Variants in PIK3CD observed in about 807,000 individuals in gnomAD.
PIK3CD encodes the protein phosphatidylinositol 4,5-bisphosphate 3-kinase catalytic subunit delta isoform.
PIK3CD carries 20 observed loss-of-function variants against 122.9 expected under a neutral mutation model. The ratio of observed to expected loss-of-function variants is 0.16; its 90% CI spans 0.11 to 0.24. The LOEUF (loss-of-function observed/expected upper bound fraction) is 0.24, where lower values mean the gene tolerates loss of function less well. Ranked by LOEUF, PIK3CD falls within the 10% of genes least tolerant of loss-of-function variation. PIK3CD has a pLI of 1.00. For missense variants in PIK3CD, 787 were observed against 1,406.3 expected, an observed-to-expected ratio of 0.56 and a Z score of 7.04; for synonymous variants, 596 against 593.4, an observed-to-expected ratio of 1.00 and a Z score of -0.06.
At chr1:9,644,972 G>A in the PIK3CD span, among the ~76,000 whole-genome samples, 6 of 151,858 alleles carry the variant, frequency 4.0e-5, no homozygotes, top group South Asian at 4.1e-4. Flanking sequence ...AGGCCCTTCC[G>A]CAGAGCTTGC....
chr1:9,637,728 A>AT, the PIK3CD span, among the ~76,000 whole-genome samples: 1 of 152,112 alleles, frequency 6.6e-6, no homozygotes, highest in East Asian at 1.9e-4. Context: ...CCCAAAATAT[A>AT]TTTCTTTGCA....
chr1:9,683,312 C>T (rs1645838777), intron 1 of PIK3CD, among the ~76,000 whole-genome samples: 1 of 151,614 alleles, frequency 6.6e-6, no homozygotes, highest in Non-Finnish European at 1.5e-5. Context: ...GTGGCGGGAA[C>T]CTGTAGTCCC....
the PIK3CD span, among the ~76,000 whole-genome samples, chr1:9,646,548 G>A: frequency 1.4e-4 from 22 of 152,314 alleles, no homozygotes; most frequent in African/African-American, 5.1e-4. Flanking sequence ...GTAAACATAT[G>A]GGAGAAAAGG....
chr1:9,662,138 C>G (rs1451194726), intron 1 of PIK3CD, among the ~76,000 whole-genome samples: 1 of 152,164 alleles, frequency 6.6e-6, no homozygotes, highest in Non-Finnish European at 1.5e-5. Context: ...GCACTCCAAC[C>G]TGGGCGACAG....
chr1:9,646,322 G>A, the PIK3CD span, among the ~76,000 whole-genome samples: 4 of 152,106 alleles, frequency 2.6e-5, no homozygotes, highest in African/African-American at 7.2e-5. Context: ...GGGACAGCCC[G>A]CCGTAACAAA....
chr1:9,728,051 C>T lies in PIK3CD; in HGVS notation c.*1005C>T, dbSNP rs1159671992. The T allele has an allele frequency of 5.8e-5, 9 of 154,212 alleles. No homozygotes were observed. Among genetic ancestry groups the T allele is most frequent in the Middle Eastern group, 3.3e-3 (1 of 306 alleles). The allele number at this position is 154,212 out of a possible 1,614,324, so 9.6% of individuals were successfully genotyped here. Reference sequence around the variant, plus strand: ...AACTCCTGACCTCAGGTGATCCACCCGCCTGAGCCTCCCAAAGTGCTGGGA... The same window carrying T: ...AACTCCTGACCTCAGGTGATCCACCTGCCTGAGCCTCCCAAAGTGCTGGGA... On this transcript the variant is annotated 3_prime_UTR_variant, in exon 24 of 24. Transcript: ENST00000377346.
chr1:9,666,600 A>G (rs1645167564), intron 1 of PIK3CD, among the ~76,000 whole-genome samples: 1 of 151,962 alleles, frequency 6.6e-6, no homozygotes, highest in African/African-American at 2.4e-5. Context: ...CAGTAGAAAT[A>G]AATGCTTGAG....
intron 1 of PIK3CD, among the ~76,000 whole-genome samples, chr1:9,659,040 C>G (rs1644938304): frequency 6.6e-6 from 1 of 152,202 alleles, no homozygotes; most frequent in Non-Finnish European, 1.5e-5. Flanking sequence ...TCTAGCCCAA[C>G]ACAGCGGTTG....
At chr1:9,628,660 G>A in the PIK3CD span, among the ~76,000 whole-genome samples, 9 of 152,194 alleles carry the variant, frequency 5.9e-5, no homozygotes, top group Admixed American at 2.0e-4. Flanking sequence ...TTCCTCACAC[G>A]GAGGTGGCCC....
intron 1 of PIK3CD, among the ~76,000 whole-genome samples, chr1:9,668,964 G>C (rs1161155385): frequency 1.3e-5 from 2 of 152,114 alleles, no homozygotes; most frequent in African/African-American, 2.4e-5. Flanking sequence ...GGGGGCTAAG[G>C]ACTCACTAAT....
the PIK3CD span, among the ~76,000 whole-genome samples, chr1:9,645,604 ATTT>A: frequency 1.3e-3 from 172 of 131,790 alleles, no homozygotes; most frequent in African/African-American, 4.7e-3. Flanking sequence ...GGAATGGCTA[ATTT>A]TTTTTTTTTT....
intron 5 of PIK3CD, 60 bp from the exon 6 acceptor site, chr1:9,716,380 T>G: frequency 6.5e-7 from 1 of 1,549,502 alleles, no homozygotes. Flanking sequence ...AACCCTGCCC[T>G]GTGCCCCAGA....
At chr1:9,702,359 T>G (rs1032803274) in intron 2 of PIK3CD, among the ~76,000 whole-genome samples, 2 of 152,002 alleles carry the variant, frequency 1.3e-5, no homozygotes, top group Admixed American at 6.6e-5. Context: ...TGGGAATGCC[T>G]AGGCTGAAGA....
At chr1:9,636,003 T>C in the PIK3CD span, among the ~76,000 whole-genome samples, 1 of 152,188 alleles carries the variant, frequency 6.6e-6, no homozygotes, top group Admixed American at 6.5e-5. Context: ...AGTAAATAAA[T>C]AAATACCCAG....
intron 5 of PIK3CD, 63 bp from the exon 6 acceptor site, chr1:9,716,377 C>T: frequency 1.3e-6 from 2 of 1,530,104 alleles, no homozygotes; most frequent in Non-Finnish European, 9.0e-7. Flanking sequence ...GGCAACCCTG[C>T]CCTGTGCCCC....
At chr1:9,663,657 A>G (rs973620466) in intron 1 of PIK3CD, among the ~76,000 whole-genome samples, 2 of 152,010 alleles carry the variant, frequency 1.3e-5, no homozygotes, top group Admixed American at 6.6e-5. Context: ...ATATGTATAC[A>G]TGTGCCATGT....
rs1285900346 is a variant in PIK3CD at position 9,691,499 on chromosome 1, A to G, written c.-105A>G. On this transcript the variant is annotated 5_prime_UTR_variant, in exon 2 of 24. Coordinates refer to ENST00000377346, the MANE Select transcript of PIK3CD (RefSeq NM_005026.5). The stretch of plus-strand genomic sequence containing the variant: ...GTCAGGCCAGGGCGGGATGACACTC[A>G]TTGATTCTAAAGCATCTTTAATCTG... 5.0e-6 allele frequency: 2 copies of G among 398,488 alleles called. No individual in the cohort carries two copies. Among genetic ancestry groups the G allele is most frequent in the African/African-American group, 4.1e-5 (2 of 48,614 alleles). The allele number at this position is 398,488 out of a possible 1,614,324, so 24.7% of individuals were successfully genotyped here. A position where few individuals can be genotyped will look rare whatever the true frequency, so the allele number is the denominator to read the frequency against.
chr1:9,634,276 C>T, the PIK3CD span, among the ~76,000 whole-genome samples: 6 of 151,856 alleles, frequency 4.0e-5, no homozygotes, highest in African/African-American at 1.2e-4. Context: ...CAGATTCTGC[C>T]TCAGCCTCCT....
At chr1:9,702,374 C>T (rs1419927220) in intron 2 of PIK3CD, among the ~76,000 whole-genome samples, 5 of 152,090 alleles carry the variant, frequency 3.3e-5, no homozygotes, top group Admixed American at 1.3e-4. Flanking sequence ...TGAAGAGAGA[C>T]GCCTTAGGGC....
Sources: gnomAD v4.1 joint callset for allele counts (sites outside exome capture counted in the v4.1 genomes callset) on GRCh38, gnomAD v4.1.1 for gene constraint, MANE v1.5 for transcripts, NCBI Gene and HGNC (gene_info 2026-07-23, HGNC 2026-07-21) for gene names.